Variants in PDE10A observed in about 807,000 individuals in gnomAD.
The protein encoded by PDE10A is phosphodiesterase 10A.
Under a neutral mutation model 97.7 loss-of-function variants are expected in PDE10A, and 39 were observed. The observed-to-expected ratio is 0.40, with a 90% CI of 0.31 to 0.52. The LOEUF (loss-of-function observed/expected upper bound fraction) is 0.52, where lower values mean the gene tolerates loss of function less well. Ranked by LOEUF, PDE10A falls within the 20% of genes least tolerant of loss-of-function variation. The pLI, the probability that PDE10A is intolerant of heterozygous loss-of-function variation, is 0.56. For missense variants in PDE10A, 731 were observed against 1,047.8 expected (o/e 0.70, Z 4.17); for synonymous variants, 371 against 376.8 (o/e 0.98, Z 0.18).
intron 1 of PDE10A, among the ~76,000 whole-genome samples, chr6:165,735,896 A>G (rs1792564160): frequency 6.6e-6 from 1 of 152,244 alleles, no homozygotes; most frequent in African/African-American, 2.4e-5. Context: ...GAATCATCAA[A>G]GACAAAGAGA....
At chr6:165,343,860 A>T (rs934593507) in intron 18 of PDE10A, among the ~76,000 whole-genome samples, 7 of 152,200 alleles carry the variant, frequency 4.6e-5, no homozygotes, top group Non-Finnish European at 7.3e-5. Context: ...TTGGAAATTT[A>T]GAGTGGGAAG....
At chr6:165,394,204 C>T (rs894843218) in intron 15 of PDE10A, among the ~76,000 whole-genome samples, 1 of 152,088 alleles carries the variant, frequency 6.6e-6, no homozygotes, top group Non-Finnish European at 1.5e-5. Flanking sequence ...TCTCCTAATG[C>T]TATCCCTCCC....
At chr6:165,368,989 C>A (rs1784016355) in intron 18 of PDE10A, among the ~76,000 whole-genome samples, 1 of 152,110 alleles carries the variant, frequency 6.6e-6, no homozygotes. Flanking sequence ...GGACCTCTAG[C>A]AAACTCCAAC....
At chr6:165,923,751 T>A (rs116490203) in intron 1 of PDE10A, among the ~76,000 whole-genome samples, 4,229 of 151,264 alleles carry the variant, frequency 0.028, 177 homozygotes, top group African/African-American at 0.098. Flanking sequence ...TATATAACTA[T>A]CACCACTTTA....
At chr6:165,611,327 A>T (rs1787483788) in intron 1 of PDE10A, among the ~76,000 whole-genome samples, 1 of 152,196 alleles carries the variant, frequency 6.6e-6, no homozygotes, top group Non-Finnish European at 1.5e-5. Flanking sequence ...TCCAACCAGG[A>T]CTGAAAACAT....
At chr6:165,365,263 T>C (rs1431049848) in intron 18 of PDE10A, among the ~76,000 whole-genome samples, 1 of 152,198 alleles carries the variant, frequency 6.6e-6, no homozygotes, top group Non-Finnish European at 1.5e-5. Flanking sequence ...GCATACATTT[T>C]TTATGAAGTT....
At chr6:165,826,726 C>T (rs1779766178) in intron 1 of PDE10A, among the ~76,000 whole-genome samples, 1 of 151,000 alleles carries the variant, frequency 6.6e-6, no homozygotes, top group African/African-American at 2.4e-5. Flanking sequence ...TCTGGTGCAT[C>T]TGTCATCCAA....
intron 2 of PDE10A, among the ~76,000 whole-genome samples, chr6:165,513,241 C>G (rs957465485): frequency 4.6e-5 from 7 of 151,870 alleles, no homozygotes; most frequent in Non-Finnish European, 1.0e-4. Flanking sequence ...AGTATACAGT[C>G]TTTATAGTTA....
At chr6:165,641,301 T>C (rs1188584866) in intron 1 of PDE10A, among the ~76,000 whole-genome samples, 2 of 152,232 alleles carry the variant, frequency 1.3e-5, no homozygotes, top group Non-Finnish European at 2.9e-5. Flanking sequence ...TAACTAATTA[T>C]AGCAGCAAAC....
chr6:165,418,546 G>T lies in PDE10A; in HGVS notation c.1796+89C>A. On this transcript the variant is annotated intron_variant, in intron 11 of 21. Transcript: ENST00000539869. The surrounding 1 kb of genome is among the most constrained non-coding windows in gnomAD (Gnocchi z 4.8). ...TATCACAGTATGACAAGTATTGTCAGCATACCTGTGAATAGGCACAGAAAA... is the reference window on the plus strand; with the variant it reads ...TATCACAGTATGACAAGTATTGTCATCATACCTGTGAATAGGCACAGAAAA... The T allele has an allele frequency of 8.4e-7, 1 of 1,188,772 alleles. No individual in the cohort carries two copies. Among genetic ancestry groups the T allele is most frequent in the Non-Finnish European group, 1.2e-6 (1 of 820,384 alleles). The allele number at this position is 1,188,772 out of a possible 1,614,324, so 73.6% of individuals were successfully genotyped here.
At chr6:165,513,372 C>T (rs1781613949) in intron 2 of PDE10A, among the ~76,000 whole-genome samples, 1 of 152,020 alleles carries the variant, frequency 6.6e-6, no homozygotes, top group African/African-American at 2.4e-5. Flanking sequence ...TCTGGACTCT[C>T]AATTCTGTTT....
chr6:165,787,234 G>A (rs9356389), intron 1 of PDE10A, among the ~76,000 whole-genome samples: 147,677 of 152,280 alleles, frequency 0.97, 71,792 homozygotes, highest in Middle Eastern at 1. Flanking sequence ...TATAAAAACA[G>A]GAGAATTTCT....
chr6:165,864,105 A>T (rs1310509281), intron 1 of PDE10A, among the ~76,000 whole-genome samples: 1 of 152,078 alleles, frequency 6.6e-6, no homozygotes. Flanking sequence ...AAGACACCTC[A>T]TTGTGTACCG....
chr6:165,917,288 C>T (rs1489399444), intron 1 of PDE10A, among the ~76,000 whole-genome samples: 1 of 150,296 alleles, frequency 6.7e-6, no homozygotes, highest in East Asian at 2.0e-4. Context: ...GAGCCACAGG[C>T]GTACAGCGGT....
At chr6:165,719,928 A>C (rs1274148439) in intron 1 of PDE10A, among the ~76,000 whole-genome samples, 1 of 152,206 alleles carries the variant, frequency 6.6e-6, no homozygotes, top group African/African-American at 2.4e-5. Context: ...AATAACTAAC[A>C]CCACAGCTTT....
At chr6:165,697,647 G>C (rs1040367093) in intron 1 of PDE10A, among the ~76,000 whole-genome samples, 2 of 152,152 alleles carry the variant, frequency 1.3e-5, no homozygotes, top group African/African-American at 4.8e-5. Context: ...ATTTATATGA[G>C]GTTCCTAGAG....
chr6:165,667,401 A>C (rs946592421), upstream of PDE10A, among the ~76,000 whole-genome samples: 2 of 152,150 alleles, frequency 1.3e-5, no homozygotes, highest in African/African-American at 4.8e-5. Context: ...AACAAATTGC[A>C]GTTGTATTAT....
intron 1 of PDE10A, among the ~76,000 whole-genome samples, chr6:165,641,481 A>G (rs1011234926): frequency 1.3e-5 from 2 of 152,230 alleles, no homozygotes; most frequent in African/African-American, 4.8e-5. Context: ...ATCACTAAAA[A>G]CAGGTGCTTT....
At position 165,418,592 on chromosome 6, in the gene PDE10A, A is replaced by G; in HGVS notation, c.1796+43T>C. 1 of 1,584,868 alleles carries G rather than the reference A, an allele frequency of 6.3e-7. No individual in the cohort carries two copies. The highest frequency in any genetic ancestry group is 2.2e-5 in the East Asian group (1 of 44,728). ...GAAAAATGGGTAACGGAACGCCTGC[A>G]CATCTACCGTAAGAGGATAGGACAT... On this transcript the variant is annotated intron_variant, in intron 11 of 21. Coordinates refer to ENST00000539869, the MANE Select transcript of PDE10A (RefSeq NM_001385079.1). This position sits in a 1 kb window ranked among gnomAD's most constrained non-coding sequence, Gnocchi z 4.8.
Sources: allele counts gnomAD v4.1 joint callset (sites outside exome capture counted in the v4.1 genomes callset), GRCh38; gene constraint gnomAD v4.1.1; non-coding constraint Gnocchi (gnomAD v3.1); transcripts MANE v1.5; gene names NCBI Gene and HGNC (gene_info 2026-07-23, HGNC 2026-07-21).